DIP2C: variants seen among roughly 807,000 people sequenced by gnomAD.
DIP2C encodes disco-interacting protein 2 homolog C.
A neutral mutation model predicts 192.4 loss-of-function variants in DIP2C; 33 were observed. The ratio of observed to expected loss-of-function variants is 0.17; its 90% CI spans 0.13 to 0.23. DIP2C has a LOEUF of 0.23. Ranked by LOEUF, DIP2C falls within the 10% of genes least tolerant of loss-of-function variation. The pLI is 1.00. For missense variants in DIP2C, 1,537 were observed against 2,110.1 expected (o/e 0.73, Z 5.32); for synonymous variants, 979 against 864.1 (o/e 1.13, Z -2.33).
chr10:530,757 G>C (rs988126811), intron 1 of DIP2C, among the ~76,000 whole-genome samples: 1 of 151,820 alleles, frequency 6.6e-6, no homozygotes, highest in Non-Finnish European at 1.5e-5. Flanking sequence ...TGTCAGACGA[G>C]ATGGACTCTC....
chr10:282,437 G>A (rs971383813), intron 35 of DIP2C, among the ~76,000 whole-genome samples: 2 of 152,346 alleles, frequency 1.3e-5, no homozygotes, highest in African/African-American at 2.4e-5. Flanking sequence ...CCAGGCCATT[G>A]TAGGTATGTT....
chr10:515,504 C>A (rs749845605), intron 1 of DIP2C, among the ~76,000 whole-genome samples: 3 of 152,162 alleles, frequency 2.0e-5, no homozygotes, highest in Non-Finnish European at 2.9e-5. Flanking sequence ...GGGCCAATCA[C>A]TTGAGGTAAG....
intron 3 of DIP2C, among the ~76,000 whole-genome samples, chr10:462,610 T>C (rs947563826): frequency 1.3e-5 from 2 of 152,172 alleles, no homozygotes; most frequent in East Asian, 3.8e-4. Context: ...GAGGAGCTGG[T>C]AGCATTCCTT....
chr10:436,966 C>G (rs189627562), intron 4 of DIP2C, among the ~76,000 whole-genome samples: 26 of 132,196 alleles, frequency 2.0e-4, no homozygotes, highest in African/African-American at 7.3e-4. Flanking sequence ...TGAGCTCTCT[C>G]CGAGCTCCGC....
At chr10:588,920 A>T (rs896893216) in intron 1 of DIP2C, among the ~76,000 whole-genome samples, 1 of 152,180 alleles carries the variant, frequency 6.6e-6, no homozygotes, top group Non-Finnish European at 1.5e-5. Context: ...GTTTTGTAAG[A>T]AACTGCTGAG....
chr10:388,999 C>T (rs1963228078), intron 13 of DIP2C, among the ~76,000 whole-genome samples: 1 of 147,436 alleles, frequency 6.8e-6, no homozygotes, highest in Non-Finnish European at 1.5e-5. Flanking sequence ...CCCAAGGGAT[C>T]TCAGGGCCAC....
At chr10:548,215 C>CCCG (rs1848400501) in intron 1 of DIP2C, among the ~76,000 whole-genome samples, 1 of 126,300 alleles carries the variant, frequency 7.9e-6, no homozygotes, top group Non-Finnish European at 1.8e-5. Context: ...CCCACCCCCC[C>CCCG]CCCCACAGGA....
At chr10:417,916 C>CCACCTA (rs1564686051) in intron 6 of DIP2C, among the ~76,000 whole-genome samples, 2 of 101,634 alleles carry the variant, frequency 2.0e-5, no homozygotes, top group African/African-American at 4.0e-5. Flanking sequence ...GCCTCCCTGT[C>CCACCTA]CACCTGTTCC....
chr10:482,959 T>TTC (rs567131368), intron 2 of DIP2C, among the ~76,000 whole-genome samples: 111 of 152,340 alleles, frequency 7.3e-4, no homozygotes, highest in Non-Finnish European at 1.4e-3. Flanking sequence ...TCTCTGACCC[T>TTC]TCTTTCACTG....
At position 356,408 on chromosome 10, in the gene DIP2C, G is replaced by T. The variant is rs775078933; in HGVS notation, c.2985+18C>A. ...CCCTTGAGGCCAGTAGCCAGGGAAG[G>T]CCAGCTCCGCGCCTCACCCGACAGT... On this transcript the variant is annotated intron_variant, in intron 24 of 36. Coordinates refer to ENST00000280886, the MANE Select transcript of DIP2C (RefSeq NM_014974.3). The T allele has an allele frequency of 2.5e-6, 4 of 1,609,646 alleles. No homozygotes were observed. Among genetic ancestry groups the T allele is most frequent in the Non-Finnish European group, 3.4e-6 (4 of 1,179,928 alleles).
chr10:483,337 C>T (rs1323056699), intron 2 of DIP2C, among the ~76,000 whole-genome samples: 1 of 152,266 alleles, frequency 6.6e-6, no homozygotes, highest in African/African-American at 2.4e-5. Context: ...CAAAGGAAGT[C>T]ACGTCCCATG....
In DIP2C at chr10:345,272, G is replaced by C. The variant is rs1958383119; in HGVS notation, c.3232-162C>G. On this transcript the variant is annotated intron_variant, in intron 26 of 36. Coordinates refer to ENST00000280886, the MANE Select transcript of DIP2C (RefSeq NM_014974.3). ...TGCTGGCTAAGGTAGGACAGAGCTA[G>C]GAGTCTAGTTGTGGAGGCACGGGGG... The C allele has an allele frequency of 5.2e-6, 4 of 767,098 alleles. No homozygotes were observed. The Admixed American group carries it at 6.0e-5, about 12-fold the overall frequency. The allele number at this position is 767,098 out of a possible 1,614,324, so 47.5% of individuals were successfully genotyped here.
At chr10:369,805 T>C (rs764141188) in intron 17 of DIP2C, 172 bp from the exon 18 acceptor site, 1 of 1,331,454 alleles carries the variant, frequency 7.5e-7, no homozygotes. Context: ...GTTCTGTTTA[T>C]GAACAGCTGG....
chr10:415,550 A>T (rs983955565), intron 7 of DIP2C, among the ~76,000 whole-genome samples: 7 of 152,144 alleles, frequency 4.6e-5, no homozygotes, highest in African/African-American at 1.7e-4. Context: ...CACAGAACAA[A>T]ATCAACTCCC....
rs567551061 is a variant in DIP2C at position 348,394 on chromosome 10, G to A, written c.3231+247C>T. Among the ~76,000 whole-genome samples the A allele has an allele frequency of 3.3e-5, 5 of 152,288 alleles. No individual in the cohort carries two copies. The East Asian group carries it at 5.8e-4, about 18-fold the overall frequency. On this transcript the variant is annotated intron_variant, in intron 26 of 36. Coordinates refer to ENST00000280886, the MANE Select transcript of DIP2C (RefSeq NM_014974.3). ...GTGGTGATGCCCTCTCTTGGGAGCC[G>A]TTTTCTCCAGGGAAGACCCTGCAGA...
chr10:562,822 C>T (rs1249434280), intron 1 of DIP2C, among the ~76,000 whole-genome samples: 1 of 152,154 alleles, frequency 6.6e-6, no homozygotes, highest in Non-Finnish European at 1.5e-5. Flanking sequence ...CACAGAAATC[C>T]ATAACATCAA....
chr10:493,128 G>A (rs868008774), intron 1 of DIP2C, among the ~76,000 whole-genome samples: 2 of 152,208 alleles, frequency 1.3e-5, no homozygotes, highest in Admixed American at 1.3e-4. Flanking sequence ...GGCTCTGCAC[G>A]AGGTCCCCGG....
At chr10:512,937 A>AAAG (rs1388279095) in intron 1 of DIP2C, among the ~76,000 whole-genome samples, 2 of 151,538 alleles carry the variant, frequency 1.3e-5, no homozygotes, top group Non-Finnish European at 2.9e-5. Context: ...AAAAAAAAAA[A>AAAG]AAAAAAAGGG....
At chr10:511,183 G>A (rs575168813) in intron 1 of DIP2C, among the ~76,000 whole-genome samples, 1 of 152,302 alleles carries the variant, frequency 6.6e-6, no homozygotes, top group South Asian at 2.1e-4. Flanking sequence ...ATGCTGCTTG[G>A]CCAGCCAGCA....
Sources: allele counts gnomAD v4.1 joint callset (sites outside exome capture counted in the v4.1 genomes callset), GRCh38; gene constraint gnomAD v4.1.1; transcripts MANE v1.5; gene names NCBI Gene and HGNC (gene_info 2026-07-23, HGNC 2026-07-21).